PHKA1: variants seen among roughly 807,000 people sequenced by gnomAD.
PHKA1 encodes phosphorylase b kinase regulatory subunit alpha, skeletal muscle isoform.
In PHKA1, 60 loss-of-function variants were observed where a neutral mutation model predicts 110.2. The ratio of observed to expected loss-of-function variants is 0.54; its 90% CI spans 0.44 to 0.68. PHKA1 has a LOEUF of 0.68. Among genes scored for constraint, PHKA1 ranks in the 30% least tolerant of loss-of-function variants. The pLI is 0.00. For synonymous variants in PHKA1, 316 were observed against 333.6 expected (o/e 0.95, Z 0.58); for missense variants, 801 against 942.5 (o/e 0.85, Z 1.97).
chrX:72,624,627 G>T (rs1342023309), intron 17 of PHKA1, among the ~76,000 whole-genome samples: 1 of 111,482 alleles, frequency 9.0e-6, no homozygotes, highest in Non-Finnish European at 1.9e-5. Flanking sequence ...CTCTCCACAT[G>T]CTCCCTGACC....
intron 26 of PHKA1, 69 bp from the exon 27 acceptor site, chrX:72,602,342 T>A (rs1166662066): frequency 2.0e-5 from 13 of 641,215 alleles, no homozygotes; most frequent in East Asian, 1.4e-4. Flanking sequence ...CCATCACATT[T>A]AAAAAAAACT....
intron 23 of PHKA1, among the ~76,000 whole-genome samples, chrX:72,608,342 C>G (rs2052760244): frequency 9.0e-6 from 1 of 111,305 alleles, no homozygotes; most frequent in Non-Finnish European, 1.9e-5. Context: ...CTCTCCTCTC[C>G]TCAGTGGAAG....
chrX:72,622,436 C>T, intron 18 of PHKA1: 3 of 753,419 alleles, frequency 4.0e-6, no homozygotes, highest in Non-Finnish European at 3.1e-6. Flanking sequence ...TTCTTATTGG[C>T]CCTTCTCTGT....
chrX:72,661,419 C>T (rs1360963272), intron 8 of PHKA1, among the ~76,000 whole-genome samples: 2 of 111,105 alleles, frequency 1.8e-5, no homozygotes, highest in Admixed American at 9.6e-5. Context: ...ATCCTGTAAT[C>T]GTCATACATC....
At chrX:72,663,024 C>T (rs2053577886) in intron 8 of PHKA1, among the ~76,000 whole-genome samples, 1 of 109,311 alleles carries the variant, frequency 9.1e-6, no homozygotes, top group South Asian at 4.0e-4. Flanking sequence ...TCCAAAGGGA[C>T]GTAATAATTA....
At chrX:72,664,264 A>C (rs1556305534) in intron 8 of PHKA1, among the ~76,000 whole-genome samples, 1 of 111,050 alleles carries the variant, frequency 9.0e-6, no homozygotes, top group African/African-American at 3.3e-5. Flanking sequence ...ACAAACCAAA[A>C]GCAAGCAGGA....
intron 21 of PHKA1, among the ~76,000 whole-genome samples, chrX:72,616,967 G>A (rs1471087236): frequency 1.8e-5 from 2 of 111,752 alleles, no homozygotes; most frequent in Non-Finnish European, 3.8e-5. Flanking sequence ...AAAAGGAAAT[G>A]CAACATACCA....
At chrX:72,686,431 A>G (rs192670460) in intron 4 of PHKA1, among the ~76,000 whole-genome samples, 59 of 112,290 alleles carry the variant, frequency 5.3e-4, no homozygotes, top group African/African-American at 1.8e-3. Flanking sequence ...TTTTTCATAT[A>G]TAAGTAACTT....
intron 14 of PHKA1, among the ~76,000 whole-genome samples, chrX:72,640,072 T>C (rs2053278246): frequency 8.9e-6 from 1 of 111,843 alleles, no homozygotes; most frequent in South Asian, 3.7e-4. Flanking sequence ...ATTGTAACCA[T>C]AAATAACAAA....
At chrX:72,687,475 C>T (rs2053980317) in intron 4 of PHKA1, among the ~76,000 whole-genome samples, 2 of 111,394 alleles carry the variant, frequency 1.8e-5, no homozygotes, top group African/African-American at 6.5e-5. Context: ...ATACAAATGC[C>T]ACATATTTCT....
At chrX:72,637,318 A>T (rs376548214) in intron 14 of PHKA1, among the ~76,000 whole-genome samples, 12 of 112,182 alleles carry the variant, frequency 1.1e-4, no homozygotes, top group African/African-American at 3.6e-4. Flanking sequence ...TCCTTTTGTA[A>T]CTAGCTTATT....
At position 72,683,718 on chromosome X, in the gene PHKA1, TAC is replaced by T. The variant is rs202055548; in HGVS notation, c.537+778_537+779del. Among the ~76,000 whole-genome samples the T allele has an allele frequency of 1.1e-3, 119 of 112,501 alleles. No homozygotes were observed. In the East Asian group the frequency reaches 0.031, roughly 29 times the overall value. On this transcript the variant is annotated intron_variant, in intron 5 of 31. Transcript: ENST00000373542. ...CTAGAATTTTATGTGAGTAGAATCA[TAC>T]AGTCTGTACATTTTTTGTCTAACTT... is the stretch of plus-strand genomic sequence containing the variant.
chrX:72,611,238 A>T lies in PHKA1; in HGVS notation c.2370-54T>A. ...GTTTTAAGTAAAGCTTCTGGCAATC[A>T]TCTTTTCTTTCAGTGTTATAATGAA... On this transcript the variant is annotated intron_variant, in intron 21 of 31. Transcript: ENST00000373542. 3 of 1,008,365 alleles carry T rather than the reference A, an allele frequency of 3.0e-6. No individual in the cohort carries two copies. The South Asian group carries it at 5.8e-5, about 19-fold the overall frequency. The allele number at this position is 1,008,365 out of a possible 1,213,427, so 83.1% of individuals were successfully genotyped here.
At chrX:72,613,807 C>T (rs1038404654) in intron 21 of PHKA1, among the ~76,000 whole-genome samples, 5 of 111,849 alleles carry the variant, frequency 4.5e-5, no homozygotes, top group Admixed American at 1.9e-4. Context: ...TATGATATGA[C>T]ACATGGAAAA....
chrX:72,669,118 G>A (rs1278232833), intron 6 of PHKA1, among the ~76,000 whole-genome samples: 4 of 111,898 alleles, frequency 3.6e-5, no homozygotes, highest in Non-Finnish European at 7.5e-5. Context: ...TACAGCACAG[G>A]TGGCTGCTTC....
chrX:72,605,964 T>TGGTA (rs1556250677), intron 23 of PHKA1, among the ~76,000 whole-genome samples: 5 of 112,410 alleles, frequency 4.4e-5, no homozygotes, highest in Non-Finnish European at 9.4e-5. Context: ...AAGTACTAAA[T>TGGTA]TAATTTTAAG....
intron 26 of PHKA1, among the ~76,000 whole-genome samples, chrX:72,602,501 A>C (rs1452199583): frequency 1.8e-5 from 2 of 111,712 alleles, no homozygotes; most frequent in Non-Finnish European, 3.8e-5. Flanking sequence ...CAAAATGTGC[A>C]TTTTAGCAAG....
intron 8 of PHKA1, 63 bp downstream of exon 8, chrX:72,666,088 C>CA: frequency 7.1e-6 from 8 of 1,126,061 alleles, no homozygotes; most frequent in Non-Finnish European, 9.7e-6. Flanking sequence ...TTAAGGCCCC[C>CA]AAAGGCACAA....
chrX:72,668,735 C>A (rs140253870), intron 6 of PHKA1, among the ~76,000 whole-genome samples: 1,406 of 111,211 alleles, frequency 0.013, 20 homozygotes, highest in African/African-American at 0.044. Context: ...CTACTCCTTA[C>A]CCTCACCAAA....
Sources: gnomAD v4.1 joint callset for allele counts (sites outside exome capture counted in the v4.1 genomes callset) on GRCh38, gnomAD v4.1.1 for gene constraint, MANE v1.5 for transcripts, NCBI Gene and HGNC (gene_info 2026-07-23, HGNC 2026-07-21) for gene names.